The following MTA3 variants were observed in gnomAD, a reference collection of about 807,000 sequenced individuals.
MTA3 encodes metastasis associated 1 family member 3.
A neutral mutation model predicts 83.5 loss-of-function variants in MTA3; 34 were observed. The ratio of observed to expected loss-of-function variants is 0.41; its 90% CI spans 0.31 to 0.54. MTA3 has a LOEUF of 0.54. MTA3 is among the 20% of genes least tolerant of loss of function. MTA3 has a pLI of 0.33. For synonymous variants in MTA3, 303 were observed against 252.7 expected, an observed-to-expected ratio of 1.20 and a Z score of -1.89; for missense variants, 761 against 726.4, an observed-to-expected ratio of 1.05 and a Z score of -0.55.
intron 2 of MTA3, among the ~76,000 whole-genome samples, chr2:42,541,464 G>A (rs1194599667): frequency 1.3e-5 from 2 of 152,216 alleles, no homozygotes; most frequent in African/African-American, 4.8e-5. Flanking sequence ...ACTCTACAGT[G>A]TACTGTTCTC....
intron 2 of MTA3, among the ~76,000 whole-genome samples, chr2:42,521,853 C>G (rs1253177083): frequency 6.7e-6 from 1 of 148,748 alleles, no homozygotes; most frequent in African/African-American, 2.5e-5. Context: ...CTCCCCGGTT[C>G]AAGTGATTCT....
chr2:42,535,572 C>T (rs993563130), intron 2 of MTA3, among the ~76,000 whole-genome samples: 4 of 152,258 alleles, frequency 2.6e-5, no homozygotes, highest in East Asian at 1.9e-4. Flanking sequence ...CCATGTAATA[C>T]TTCTACTTGC....
chr2:42,687,972 C>T (rs1302691634), intron 9 of MTA3, among the ~76,000 whole-genome samples: 1 of 152,214 alleles, frequency 6.6e-6, no homozygotes, highest in African/African-American at 2.4e-5. Flanking sequence ...GGGTCAAAGG[C>T]AGTCGCTACT....
intron 16 of MTA3, among the ~76,000 whole-genome samples, chr2:42,738,749 C>G (rs1333152056): frequency 6.6e-6 from 1 of 152,126 alleles, no homozygotes; most frequent in Non-Finnish European, 1.5e-5. Context: ...ATGGAACGTC[C>G]CTGAGAAAGA....
intron 4 of MTA3, among the ~76,000 whole-genome samples, chr2:42,617,799 GTAAAA>G (rs1170642727): frequency 2.0e-5 from 3 of 151,538 alleles, no homozygotes; most frequent in Non-Finnish European, 4.4e-5. Flanking sequence ...AAAAAAATGC[GTAAAA>G]TAAAATTTGC....
At chr2:42,563,598 C>T (rs540315500) in intron 2 of MTA3, among the ~76,000 whole-genome samples, 3 of 152,102 alleles carry the variant, frequency 2.0e-5, no homozygotes, top group Non-Finnish European at 4.4e-5. Context: ...TCCTGAGTAG[C>T]TGGGACTACA....
At chr2:42,675,383 G>T (rs147024050) in intron 8 of MTA3, among the ~76,000 whole-genome samples, 6 of 152,092 alleles carry the variant, frequency 3.9e-5, no homozygotes, top group Admixed American at 6.6e-5. Flanking sequence ...GTCCGCCTGC[G>T]TTGGCCTCCT....
intron 4 of MTA3, among the ~76,000 whole-genome samples, chr2:42,619,295 T>C (rs1296593098): frequency 6.6e-6 from 1 of 152,220 alleles, no homozygotes; most frequent in Admixed American, 6.5e-5. Context: ...GTCACTGTTT[T>C]GGAATAGACA....
intron 10 of MTA3, among the ~76,000 whole-genome samples, chr2:42,696,982 A>G (rs947365133): frequency 3.9e-5 from 6 of 152,214 alleles, no homozygotes; most frequent in Non-Finnish European, 7.4e-5. Context: ...AGTAGATAAT[A>G]TTCTTTCCAA....
chr2:42,533,342 G>C (rs1676065571), intron 2 of MTA3: 1 of 151,076 alleles, frequency 6.6e-6, no homozygotes, highest in Non-Finnish European at 1.5e-5. Context: ...GCCCGCCTTG[G>C]CCTCCCAAAG....
At chr2:42,498,189 A>G (rs1674232686) in intron 2 of MTA3, among the ~76,000 whole-genome samples, 1 of 152,194 alleles carries the variant, frequency 6.6e-6, no homozygotes, top group Admixed American at 6.5e-5. Context: ...GTTTGCATTT[A>G]CATCAGTTTA....
intron 14 of MTA3, among the ~76,000 whole-genome samples, chr2:42,713,925 A>G (rs953061879): frequency 6.6e-6 from 1 of 152,200 alleles, no homozygotes; most frequent in Non-Finnish European, 1.5e-5. Context: ...AATGTTCCTT[A>G]CAAGATAGAT....
At chr2:42,711,101 A>C (rs1415376934) in intron 14 of MTA3, among the ~76,000 whole-genome samples, 1 of 147,406 alleles carries the variant, frequency 6.8e-6, no homozygotes, top group African/African-American at 2.7e-5. Flanking sequence ...AATAAAAATT[A>C]AAAAGTAAAA....
intron 2 of MTA3, among the ~76,000 whole-genome samples, chr2:42,515,026 G>T (rs1455287422): frequency 4.6e-5 from 7 of 151,464 alleles, no homozygotes; most frequent in African/African-American, 1.7e-4. Flanking sequence ...ATGTATGCCT[G>T]TGTTTATTTT....
intron 7 of MTA3, among the ~76,000 whole-genome samples, chr2:42,656,679 C>T (rs2104360964): frequency 6.6e-6 from 1 of 152,364 alleles, no homozygotes; most frequent in East Asian, 1.9e-4. Context: ...TCGCTCACCG[C>T]ATCCATGTGT....
At chr2:42,564,101 G>A (rs192732244), upstream of MTA3, among the ~76,000 whole-genome samples, 528 of 152,318 alleles carry the variant, frequency 3.5e-3, 2 homozygotes, top group African/African-American at 0.012. Flanking sequence ...GATTACAGGT[G>A]TGTGCCACTG....
chr2:42,711,783 AGT>A (rs763894802), intron 14 of MTA3, among the ~76,000 whole-genome samples: 151 of 147,608 alleles, frequency 1.0e-3, no homozygotes, highest in Non-Finnish European at 1.5e-3. Flanking sequence ...AGAGAGAGAG[AGT>A]GTGTGTGTGT....
At chr2:42,714,304 A>G (rs1666867651) in intron 14 of MTA3, among the ~76,000 whole-genome samples, 2 of 152,164 alleles carry the variant, frequency 1.3e-5, no homozygotes, top group Non-Finnish European at 2.9e-5. Context: ...TGTGATACAA[A>G]TAGTTCCCCC....
chr2:42,617,127 C>T (rs1181387094), intron 4 of MTA3, among the ~76,000 whole-genome samples: 3 of 152,086 alleles, frequency 2.0e-5, no homozygotes, highest in Admixed American at 2.0e-4. Context: ...AAGGTTCTAG[C>T]CTATAAGAAT....
Sources: allele counts gnomAD v4.1 joint callset (sites outside exome capture counted in the v4.1 genomes callset), GRCh38; gene constraint gnomAD v4.1.1; transcripts MANE v1.5; gene names NCBI Gene and HGNC (gene_info 2026-07-23, HGNC 2026-07-21).